TP53BP1: variants seen among roughly 807,000 people sequenced by gnomAD.
TP53BP1 encodes TP53-binding protein 1.
A neutral mutation model predicts 200.8 loss-of-function variants in TP53BP1; 61 were observed. That is an observed-to-expected ratio of 0.30 (90% CI 0.25 to 0.38). TP53BP1 has a LOEUF of 0.38. Among genes scored for constraint, TP53BP1 ranks in the 10% least tolerant of loss-of-function variants. The pLI is 1.00. For synonymous variants in TP53BP1, 822 were observed against 844.3 expected (o/e 0.97, Z 0.46); for missense variants, 2,144 against 2,371.9 (o/e 0.90, Z 2.00).
In TP53BP1 at chr15:43,436,958, CTG is replaced by C. The variant is rs552383849; in HGVS notation, c.3191+1364_3191+1365del. On this transcript the variant is annotated intron_variant, in intron 16 of 27. Coordinates refer to ENST00000382044, the MANE Select transcript of TP53BP1 (RefSeq NM_001141980.3). ...AGGAGGATCACTTGAGCCCAGGCGT[CTG>C]AGACCAGCCTGGGCAACACAGTTGA... 5.2e-4 allele frequency among the ~76,000 whole-genome samples: 79 copies of C among 151,292 alleles called. No individual in the cohort carries two copies. In the East Asian group the frequency reaches 0.015, roughly 28 times the overall value.
intron 18 of TP53BP1, among the ~76,000 whole-genome samples, chr15:43,424,712 T>A (rs1229618060): frequency 1.3e-5 from 2 of 152,254 alleles, no homozygotes; most frequent in East Asian, 3.8e-4. Context: ...AAAATAGGTA[T>A]CCTTACTAGA....
chr15:43,483,469 C>T (rs2079003493), intron 4 of TP53BP1, among the ~76,000 whole-genome samples: 1 of 151,988 alleles, frequency 6.6e-6, no homozygotes, highest in African/African-American at 2.4e-5. Flanking sequence ...GAAAAGATGC[C>T]AAAATGTTTA....
Position 43,406,900 on chromosome 15 carries a change from C to CAA in TP53BP1, c.*482_*483insTT. 1 of 259,208 alleles carries CAA rather than the reference C, an allele frequency of 3.9e-6. No homozygotes were observed. Among genetic ancestry groups the CAA allele is most frequent in the South Asian group, 4.5e-5 (1 of 22,172 alleles). The allele number at this position is 259,208 out of a possible 1,614,324, so 16.1% of individuals were successfully genotyped here. ...CCACAGGTGAGCTGTGATCTCAGCT[C>CAA]AGAGAGAGAGCATGAGGTCTTTTTT... On this transcript the variant is annotated 3_prime_UTR_variant, in exon 28 of 28. Transcript: ENST00000382044.
At chr15:43,419,421 A>T (rs896885453) in intron 21 of TP53BP1, among the ~76,000 whole-genome samples, 2 of 151,666 alleles carry the variant, frequency 1.3e-5, no homozygotes, top group African/African-American at 4.8e-5. Context: ...GTGCAGTGTC[A>T]TGATCATAGC....
chr15:43,464,916 AAAAT>A (rs532574481), intron 11 of TP53BP1, among the ~76,000 whole-genome samples: 2 of 152,120 alleles, frequency 1.3e-5, no homozygotes, highest in Admixed American at 6.6e-5. Flanking sequence ...CTCAAAAAGA[AAAAT>A]AAATAAATAA....
At position 43,456,407 on chromosome 15, in the gene TP53BP1, T is replaced by G. The variant is rs201510011; in HGVS notation, c.2201A>C (p.Gln734Pro). ...TTCTTGGTCAAGTATTGCCAACTTT[T>G]GAGGGGAATCAATACTAATCACACT... ...ETSVISIDSP[Q>P]KLAILDQELE... The change falls in exon 12 of 28, where the codon CAA (glutamine) becomes CCA (proline). Residue 734 changes from glutamine to proline, a missense_variant. By Grantham distance (76) the Gln-to-Pro change is moderately conservative. Transcript: ENST00000382044. The G allele has an allele frequency of 1.9e-6, 3 of 1,597,552 alleles. No homozygotes were observed. The East Asian group carries it at 6.7e-5, about 36-fold the overall frequency.
intron 24 of TP53BP1, 137 bp downstream of exon 24, chr15:43,412,982 A>G: frequency 2.6e-6 from 2 of 761,104 alleles, no homozygotes; most frequent in Non-Finnish European, 4.3e-6. Context: ...GATACAGAGT[A>G]ATTTCTGTGA....
chr15:43,507,583 T>C (rs1226796206), intron 1 of TP53BP1, among the ~76,000 whole-genome samples: 1 of 152,262 alleles, frequency 6.6e-6, no homozygotes, highest in Non-Finnish European at 1.5e-5. Context: ...ATATAGATTT[T>C]TAAATACTTT....
At position 43,468,938 on chromosome 15, in the gene TP53BP1, C is replaced by G. The variant is rs546365781; in HGVS notation, c.1389+920G>C. Among the ~76,000 whole-genome samples the G allele has an allele frequency of 2.0e-5, 3 of 152,246 alleles. No individual in the cohort carries two copies. The East Asian group carries it at 5.8e-4, about 29-fold the overall frequency. ...AAACAAGTTTTAAAACTCCAGAAAACAAATCAATTTCTTCCTACTGTCCCC... is the reference window on the plus strand; with the variant it reads ...AAACAAGTTTTAAAACTCCAGAAAAGAAATCAATTTCTTCCTACTGTCCCC... On this transcript the variant is annotated intron_variant, in intron 11 of 27. Coordinates refer to ENST00000382044, the MANE Select transcript of TP53BP1 (RefSeq NM_001141980.3).
intron 16 of TP53BP1, among the ~76,000 whole-genome samples, chr15:43,434,216 G>A (rs1343055568): frequency 2.0e-5 from 3 of 152,148 alleles, no homozygotes; most frequent in East Asian, 1.9e-4. Context: ...TACCTCTTAT[G>A]AGGTTTATAA....
At chr15:43,497,030 C>T (rs1197554686), upstream of TP53BP1, among the ~76,000 whole-genome samples, 1 of 152,160 alleles carries the variant, frequency 6.6e-6, no homozygotes, top group African/African-American at 2.4e-5. Context: ...AAATCTAATG[C>T]CTAGCACAAT....
chr15:43,497,379 CA>C, upstream of TP53BP1: 1 of 984,440 alleles, frequency 1.0e-6, no homozygotes, highest in Non-Finnish European at 1.2e-6. Flanking sequence ...GACTCTGCCT[CA>C]AAAAACAACA....
chr15:43,509,772 G>C (rs1181242266), intron 1 of TP53BP1, among the ~76,000 whole-genome samples: 5 of 152,054 alleles, frequency 3.3e-5, no homozygotes, highest in Admixed American at 6.6e-5. Flanking sequence ...CAGCCTTGCT[G>C]AATCTGATAC....
chr15:43,455,325 G>T (rs1413341122), intron 12 of TP53BP1, among the ~76,000 whole-genome samples: 1 of 151,836 alleles, frequency 6.6e-6, no homozygotes, highest in Non-Finnish European at 1.5e-5. Flanking sequence ...AAAAAAAACA[G>T]ATTGGTACAA....
intron 27 of TP53BP1, 56 bp from the exon 28 acceptor site, chr15:43,407,626 TAGAA>T (rs2044952019): frequency 8.6e-6 from 13 of 1,516,094 alleles, no homozygotes; most frequent in South Asian, 1.2e-5. Context: ...AGCCCTCCAT[TAGAA>T]AGAGAGATTT....
At chr15:43,510,638 G>A (rs931073239), upstream of TP53BP1, 1 of 285,544 alleles carries the variant, frequency 3.5e-6, no homozygotes, top group Non-Finnish European at 6.6e-6. Flanking sequence ...CTGCGGAATT[G>A]CCAGACAGTA....
intron 12 of TP53BP1, among the ~76,000 whole-genome samples, chr15:43,452,383 T>C (rs917932886): frequency 6.6e-6 from 1 of 151,938 alleles, no homozygotes; most frequent in Non-Finnish European, 1.5e-5. Flanking sequence ...CTGGGCAACA[T>C]GGCAAAACCC....
In TP53BP1 at chr15:43,484,896, G is replaced by A. The variant is rs372090401; in HGVS notation, c.372-3874C>T. On this transcript the variant is annotated intron_variant, in intron 4 of 27. Transcript: ENST00000382044. ...CTCCCATGTAGCTGGGATCACAGGC[G>A]CACACTACCATGCCTGGCTTACTGT... 1.9e-3 allele frequency among the ~76,000 whole-genome samples: 296 copies of A among 151,936 alleles called. 2 individuals are homozygous for A. Among genetic ancestry groups the A allele is most frequent in the African/African-American group, 6.6e-3 (275 of 41,446 alleles).
chr15:43,403,062 C>A lies in TP53BP1; in HGVS notation c.*4321G>T, dbSNP rs2044722974. 1 of 152,148 alleles carries A rather than the reference C, an allele frequency of 6.6e-6. No homozygotes were observed. Among genetic ancestry groups the A allele is most frequent in the South Asian group, 2.1e-4 (1 of 4,830 alleles). 9.4% of individuals were successfully genotyped at this position (152,148 alleles called of 1,614,324 possible). ...GGAAAAGCAGAATAACAGAGCAGGT[C>A]ATCATCATTAAATATTTATTGAGTG... On this transcript the variant is annotated 3_prime_UTR_variant, in exon 28 of 28. Transcript: ENST00000382044.
Sources: allele counts gnomAD v4.1 joint callset (sites outside exome capture counted in the v4.1 genomes callset), GRCh38; gene constraint gnomAD v4.1.1; transcripts MANE v1.5; gene names NCBI Gene and HGNC (gene_info 2026-07-23, HGNC 2026-07-21).